Variants in ACOT11 observed in about 807,000 individuals in gnomAD.
The protein encoded by ACOT11 is acyl-coenzyme A thioesterase 11.
ACOT11 carries 69 observed loss-of-function variants against 77.5 expected under a neutral mutation model. That is an observed-to-expected ratio of 0.89 (90% CI 0.73 to 1.09). The LOEUF (loss-of-function observed/expected upper bound fraction) is 1.09, where lower values mean the gene tolerates loss of function less well. Among genes scored for constraint, ACOT11 ranks in the 50% least tolerant of loss-of-function variants. The pLI is 0.00. For synonymous variants in ACOT11, 279 were observed against 313.0 expected (o/e 0.89, Z 1.15); for missense variants, 766 against 813.7 (o/e 0.94, Z 0.71).
intron 3 of ACOT11, among the ~76,000 whole-genome samples, chr1:54,590,798 A>G (rs1272679361): frequency 1.3e-5 from 2 of 152,224 alleles, no homozygotes; most frequent in African/African-American, 4.8e-5. Flanking sequence ...TCCGTCACCC[A>G]GCCTGGGATG....
chr1:54,609,582 C>T lies in ACOT11; in HGVS notation c.*470C>T. ...CTGTAGCCACTGCCCAGCACCTCCTCAGGCCAGCCTGGTGCCACAGTCACG... is the reference window on the plus strand; with the variant it reads ...CTGTAGCCACTGCCCAGCACCTCCTTAGGCCAGCCTGGTGCCACAGTCACG... On this transcript the variant is annotated 3_prime_UTR_variant, in exon 16 of 16. Coordinates refer to ENST00000343744, the MANE Select transcript of ACOT11 (RefSeq NM_147161.4). The T allele has an allele frequency of 1.2e-6, 2 of 1,613,160 alleles. No homozygotes were observed. Among genetic ancestry groups the T allele is most frequent in the East Asian group, 2.2e-5 (1 of 44,876 alleles).
chr1:54,556,444 G>A (rs961729680), intron 1 of ACOT11, among the ~76,000 whole-genome samples: 3 of 152,184 alleles, frequency 2.0e-5, no homozygotes, highest in Non-Finnish European at 4.4e-5. Flanking sequence ...TTGGCACTTT[G>A]ATAGGGATTG....
At chr1:54,601,231 G>A (rs769845066) in intron 8 of ACOT11, 38 bp from the exon 9 acceptor site, 5 of 1,594,930 alleles carry the variant, frequency 3.1e-6, no homozygotes, top group African/African-American at 2.7e-5. Context: ...CCCTTGGGAA[G>A]GTCTGTCCAG....
rs148758965 is a variant in ACOT11 at position 54,599,378 on chromosome 1, G to T, written c.847G>T (p.Val283Leu). ...CCCGTCCCAGGTCGGCGACCGTCTG[G>T]TGCTCAAAGCCATCGTGAACAATGC... ...RGPSQVGDRL[V>L]LKAIVNNAFK... The change falls in exon 8 of 16, where the codon GTG becomes TTG. Residue 283 changes from valine to leucine, a missense_variant. Coordinates refer to ENST00000343744, the MANE Select transcript of ACOT11 (RefSeq NM_147161.4). The T allele has an allele frequency of 5.0e-6, 8 of 1,607,822 alleles. No individual in the cohort carries two copies. The African/African-American group carries it at 1.1e-4, about 22-fold the overall frequency.
chr1:54,572,458 C>G (rs1356964157), intron 1 of ACOT11, among the ~76,000 whole-genome samples: 2 of 152,132 alleles, frequency 1.3e-5, no homozygotes, highest in Non-Finnish European at 2.9e-5. Context: ...GAGGCCGGGT[C>G]TGTCCTTCAC....
At chr1:54,599,468 C>T in intron 8 of ACOT11, 53 bp downstream of exon 8, 1 of 1,494,494 alleles carries the variant, frequency 6.7e-7, no homozygotes, top group Non-Finnish European at 9.0e-7. Flanking sequence ...AGGGCTCTTC[C>T]TGACCCTAGA....
chr1:54,610,550 C>T, downstream of ACOT11: 4 of 1,611,204 alleles, frequency 2.5e-6, no homozygotes, highest in Non-Finnish European at 3.4e-6. Context: ...TTCCGTGTGG[C>T]ATTCACTGTG....
chr1:54,607,838 A>T lies in ACOT11; in HGVS notation c.1503-104A>T, dbSNP rs1644047186. On this transcript the variant is annotated intron_variant, in intron 14 of 15. Coordinates refer to ENST00000343744, the MANE Select transcript of ACOT11 (RefSeq NM_147161.4). This position sits in a 1 kb window ranked among gnomAD's most constrained non-coding sequence, Gnocchi z 4.5. ...GTGCCTTGCATCCCCCTGGTGAGGAATCTGTGCTAGAGGGGGCAGGGTCTC... is the reference window on the plus strand; with the variant it reads ...GTGCCTTGCATCCCCCTGGTGAGGATTCTGTGCTAGAGGGGGCAGGGTCTC... The T allele has an allele frequency of 6.9e-7, 1 of 1,440,628 alleles. No individual in the cohort carries two copies. The highest frequency in any genetic ancestry group is 1.4e-5 in the African/African-American group (1 of 70,154). 89.2% of individuals were successfully genotyped at this position (1,440,628 alleles called of 1,614,324 possible).
intron 1 of ACOT11, among the ~76,000 whole-genome samples, chr1:54,577,985 G>T (rs764125174): frequency 6.6e-6 from 1 of 152,184 alleles, no homozygotes; most frequent in African/African-American, 2.4e-5. Context: ...TCCCTCTCGG[G>T]GCTGCATGAG....
rs199997488 is a variant in ACOT11 at position 54,548,306 on chromosome 1, C to G, written c.-4C>G. On this transcript the variant is annotated 5_prime_UTR_variant, in exon 1 of 16. Coordinates refer to ENST00000343744, the MANE Select transcript of ACOT11 (RefSeq NM_147161.4). ...GGCGCTGCTTTCCCCGGCCACCCGG[C>G]GCGATGATCCAGAATGTCGGAAATC... 6.3e-7 allele frequency: 1 copy of G among 1,596,050 alleles called. No individual in the cohort carries two copies. Among genetic ancestry groups the G allele is most frequent in the African/African-American group, 1.3e-5 (1 of 74,678 alleles).
chr1:54,594,024 C>T lies in ACOT11; in HGVS notation c.456C>T (p.Arg152=), dbSNP rs775100884. The T allele has an allele frequency of 1.2e-5, 19 of 1,613,800 alleles. 1 individual carries two copies. The South Asian group carries it at 2.0e-4, about 17-fold the overall frequency. ...AGGCCTTGGCCACCTTCGTGGCCCG[C>T]CGAGAGATCACCAAGGTAACTGGGT... ...VCKALATFVA[R]REITKVKLKQ... is the part of the protein sequence containing the mutation. Residue 152 remains arginine (R), a synonymous_variant, in exon 5 of 16, where the codon CGC becomes CGT. Coordinates refer to ENST00000343744, the MANE Select transcript of ACOT11 (RefSeq NM_147161.4).
chr1:54,634,576 A>G (rs1032608164), intron 16 of ACOT11: 1 of 612,290 alleles, frequency 1.6e-6, no homozygotes, highest in South Asian at 2.0e-5. Context: ...ATTACAGAAC[A>G]GCCCATACAC....
chr1:54,617,283 C>T (rs1256142997), intron 15 of ACOT11, among the ~76,000 whole-genome samples: 1 of 151,980 alleles, frequency 6.6e-6, no homozygotes, highest in African/African-American at 2.4e-5. Flanking sequence ...GGAGAGGGGC[C>T]GCTTTTGGCC....
chr1:54,561,422 A>G (rs1381214512), intron 1 of ACOT11, among the ~76,000 whole-genome samples: 1 of 114,656 alleles, frequency 8.7e-6, no homozygotes, highest in Non-Finnish European at 1.7e-5. Flanking sequence ...GTTGGGGGTA[A>G]GGTCACAGAT....
intron 15 of ACOT11, chr1:54,630,661 C>G (rs1233681365): frequency 1.8e-6 from 1 of 558,614 alleles, no homozygotes; most frequent in African/African-American, 1.9e-5. Flanking sequence ...GCTCTCAGCT[C>G]TGAAGGCTGT....
chr1:54,601,661 G>A (rs537899628), intron 9 of ACOT11, among the ~76,000 whole-genome samples: 10 of 152,320 alleles, frequency 6.6e-5, no homozygotes, highest in Non-Finnish European at 1.5e-4. Flanking sequence ...GGGGTTAATG[G>A]GCTGTCATGA....
chr1:54,548,615 A>G, intron 1 of ACOT11: 1 of 556,342 alleles, frequency 1.8e-6, no homozygotes, highest in Non-Finnish European at 3.2e-6. Context: ...CTGGAATTCT[A>G]TTCGGTGGGT....
At chr1:54,580,863 G>A (rs887754392) in intron 1 of ACOT11, among the ~76,000 whole-genome samples, 2 of 152,200 alleles carry the variant, frequency 1.3e-5, no homozygotes, top group Non-Finnish European at 2.9e-5. Context: ...GCAGACAGGC[G>A]CAGATAAACG....
intron 1 of ACOT11, among the ~76,000 whole-genome samples, chr1:54,571,720 A>T (rs1306939912): frequency 1.3e-5 from 2 of 152,204 alleles, no homozygotes; most frequent in African/African-American, 2.4e-5. Context: ...TGGGAAAATG[A>T]AAATGTTGTT....
Sources: gnomAD v4.1 joint callset for allele counts (sites outside exome capture counted in the v4.1 genomes callset) on GRCh38, gnomAD v4.1.1 for gene constraint, Gnocchi (gnomAD v3.1) non-coding constraint, MANE v1.5 for transcripts, NCBI Gene and HGNC (gene_info 2026-07-23, HGNC 2026-07-21) for gene names.